GTF3C2: variants seen among roughly 807,000 people sequenced by gnomAD.
GTF3C2 encodes the protein general transcription factor IIIC subunit 2.
In GTF3C2, 17 loss-of-function variants were observed where a neutral mutation model predicts 117.4. That is an observed-to-expected ratio of 0.14 (90% CI 0.10 to 0.22). The LOEUF is 0.22. Ranked by LOEUF, GTF3C2 falls within the 10% of genes least tolerant of loss-of-function variation. GTF3C2 has a pLI of 1.00. For missense variants in GTF3C2, 888 were observed against 1,143.6 expected, an observed-to-expected ratio of 0.78 and a Z score of 3.22; for synonymous variants, 437 against 427.0, an observed-to-expected ratio of 1.02 and a Z score of -0.29.
chr2:27,335,910 G>A lies in GTF3C2; in HGVS notation c.1467+7C>T. On this transcript the variant is annotated splice_region_variant and intron_variant, in intron 9 of 18. Coordinates refer to ENST00000264720, the Ensembl canonical transcript of GTF3C2. ...CTAGGGCCATCCCACAGTTGACTGGGAAGTACCTTCCGAGGGGTGCCTGGA... is the reference window on the plus strand; with the variant it reads ...CTAGGGCCATCCCACAGTTGACTGGAAAGTACCTTCCGAGGGGTGCCTGGA... 1 of 1,563,824 alleles carries A rather than the reference G, an allele frequency of 6.4e-7. No homozygotes were observed. Among genetic ancestry groups the A allele is most frequent in the Non-Finnish European group, 8.8e-7 (1 of 1,134,090 alleles).
At chr2:27,335,205 G>A (rs1680415803) in intron 10 of GTF3C2, 1 of 475,032 alleles carries the variant, frequency 2.1e-6, no homozygotes, top group African/African-American at 2.0e-5. Flanking sequence ...AAGAGATTGT[G>A]TTTGTGTGGT....
intron 1 of GTF3C2, among the ~76,000 whole-genome samples, chr2:27,351,241 G>C (rs972882972): frequency 6.6e-6 from 1 of 151,904 alleles, no homozygotes; most frequent in East Asian, 1.9e-4. Context: ...GTGAAACCTC[G>C]TCTCTACTAA....
chr2:27,346,914 T>C (rs1680937590), intron 1 of GTF3C2, among the ~76,000 whole-genome samples: 1 of 152,074 alleles, frequency 6.6e-6, no homozygotes, highest in South Asian at 2.1e-4. Context: ...CAGGCTTGTC[T>C]TGAATTCCTA....
chr2:27,328,235 A>G (rs1680154919), intron 16 of GTF3C2, 46 bp from the exon 17 acceptor site: 2 of 1,456,482 alleles, frequency 1.4e-6, no homozygotes, highest in Non-Finnish European at 1.9e-6. Flanking sequence ...CTCAAGACAG[A>G]ATAAAAGCAG....
rs765753079 is a variant in GTF3C2, at chr2:27,333,737, G to T, written c.1650C>A (p.Asp550Glu). ...TAAGGCACTGACCACACTCAGAGGG[G>T]TCTGTAGCTTGCATAGACCCCACCT... Residue 550 changes from aspartate (D) to glutamate (E), a missense_variant, in exon 12 of 19, where the codon GAC becomes GAA. Asp to Glu is a conservative substitution (Grantham distance 45, BLOSUM62 2). Transcript: ENST00000264720. 6.2e-7 allele frequency: 1 copy of T among 1,608,362 alleles called. No individual in the cohort carries two copies. Among genetic ancestry groups the T allele is most frequent in the African/African-American group, 1.3e-5 (1 of 74,622 alleles).
At chr2:27,326,812 G>A (rs976738421) in exon 19 of GTF3C2, 9 of 1,613,626 alleles carry the variant, frequency 5.6e-6, no homozygotes, top group East Asian at 2.2e-5. Context: ...GCGAGTCCAC[G>A]GACAAAATGG....
At chr2:27,356,507 G>A in intron 1 of GTF3C2, 1 of 233,570 alleles carries the variant, frequency 4.3e-6, no homozygotes, top group Non-Finnish European at 9.0e-6. Flanking sequence ...CCGCGTGGGG[G>A]AGGAGGGCAA....
At chr2:27,335,178 C>T (rs1297262846) in intron 10 of GTF3C2, 1 of 452,502 alleles carries the variant, frequency 2.2e-6, no homozygotes, top group East Asian at 6.9e-5. Flanking sequence ...CTATTCCATC[C>T]CTCTCTTCAG....
chr2:27,328,306 T>C lies in GTF3C2; in HGVS notation c.2257-117A>G. On this transcript the variant is annotated intron_variant, in intron 16 of 18. Transcript: ENST00000264720. ...GAAAAAAGTAGTATCTTTAAATATA[T>C]GCTCAGATGCAGTACGGTAGGGAAG... The C allele has an allele frequency of 4.0e-6, 4 of 999,616 alleles. No individual in the cohort carries two copies. The East Asian group carries it at 7.2e-5, about 18-fold the overall frequency. 61.9% of individuals were successfully genotyped at this position (999,616 alleles called of 1,614,324 possible). A position where few individuals can be genotyped will look rare whatever the true frequency, so the allele number is the denominator to read the frequency against.
rs768288522 is a variant in GTF3C2 at position 27,328,838 on chromosome 2, G to C, written c.2127+6C>G. The C allele has an allele frequency of 6.2e-7, 1 of 1,602,714 alleles. No homozygotes were observed. On this transcript the variant is annotated splice_donor_region_variant and intron_variant, in intron 15 of 18. Coordinates refer to ENST00000264720, the Ensembl canonical transcript of GTF3C2. ...AATGAAGACTGCAAAAGAAAGGGGG[G>C]CTCACCCAAACGGTGCCTTTTCGAG... is the stretch of plus-strand genomic sequence containing the variant.
intron 4 of GTF3C2, among the ~76,000 whole-genome samples, chr2:27,338,410 A>G (rs1680576321): frequency 6.6e-6 from 1 of 152,048 alleles, no homozygotes; most frequent in Non-Finnish European, 1.5e-5. Flanking sequence ...TATTCCCCAG[A>G]GTTCCTGTCG....
chr2:27,337,648 T>C, intron 5 of GTF3C2, 90 bp from the exon 6 acceptor site: 2 of 908,824 alleles, frequency 2.2e-6, no homozygotes, highest in Admixed American at 1.8e-5. Context: ...AAATGATCCA[T>C]TATCTGTGCT....
At chr2:27,337,644 T>C in intron 5 of GTF3C2, 86 bp from the exon 6 acceptor site, 1 of 945,574 alleles carries the variant, frequency 1.1e-6, no homozygotes, top group Non-Finnish European at 1.7e-6. Flanking sequence ...ATGGAAATGA[T>C]CCATTATCTG....
chr2:27,327,293 G>A lies in GTF3C2; in HGVS notation c.2410-9C>T. The A allele has an allele frequency of 1.4e-6, 2 of 1,440,734 alleles. No individual in the cohort carries two copies. Among genetic ancestry groups the A allele is most frequent in the Non-Finnish European group, 1.9e-6 (2 of 1,028,686 alleles). 89.2% of individuals were successfully genotyped at this position (1,440,734 alleles called of 1,614,324 possible). A position where few individuals can be genotyped will look rare whatever the true frequency, so the allele number is the denominator to read the frequency against. On this transcript the variant is annotated splice_polypyrimidine_tract_variant and intron_variant, in intron 17 of 18. Coordinates refer to ENST00000264720, the Ensembl canonical transcript of GTF3C2. ...AGATCATGGAATGAACCCTGGGGAAGGGAAATGGAATAGGAGAGAGAAAGT... is the reference window on the plus strand; with the variant it reads ...AGATCATGGAATGAACCCTGGGGAAAGGAAATGGAATAGGAGAGAGAAAGT...
chr2:27,347,769 G>C (rs1413575204), intron 1 of GTF3C2, among the ~76,000 whole-genome samples: 3 of 152,168 alleles, frequency 2.0e-5, no homozygotes, highest in Non-Finnish European at 4.4e-5. Flanking sequence ...GTATTAAGAG[G>C]TGGGATCTTT....
At chr2:27,353,365 G>A (rs1330440169) in intron 1 of GTF3C2, among the ~76,000 whole-genome samples, 2 of 142,390 alleles carry the variant, frequency 1.4e-5, no homozygotes, top group Non-Finnish European at 1.5e-5. Flanking sequence ...CCTGGCGACA[G>A]AGCTAGACTC....
chr2:27,349,139 A>C (rs1681026645), intron 1 of GTF3C2, among the ~76,000 whole-genome samples: 1 of 126,290 alleles, frequency 7.9e-6, no homozygotes, highest in African/African-American at 3.0e-5. Flanking sequence ...GCCCAGCCTG[A>C]TTTGATTTTT....
exon 5 of GTF3C2, chr2:27,337,975 T>C (rs17855487): frequency 6.2e-7 from 1 of 1,612,788 alleles, no homozygotes. Flanking sequence ...ATGATATGAT[T>C]TGGTAAGCCA....
chr2:27,337,057 C>T (rs1680509302), intron 7 of GTF3C2, among the ~76,000 whole-genome samples, 187 bp downstream of exon 7: 1 of 152,200 alleles, frequency 6.6e-6, no homozygotes, highest in Non-Finnish European at 1.5e-5. Context: ...TAGCTTCCCT[C>T]AGCCTGCCAG....
Sources: gnomAD v4.1 joint callset for allele counts (sites outside exome capture counted in the v4.1 genomes callset) on GRCh38, gnomAD v4.1.1 for gene constraint, MANE v1.5 for transcripts, NCBI Gene and HGNC (gene_info 2026-07-23, HGNC 2026-07-21) for gene names.